KIF21A: variants seen among roughly 807,000 people sequenced by gnomAD.
KIF21A encodes the protein kinesin-like protein KIF21A.
A neutral mutation model predicts 202.9 loss-of-function variants in KIF21A; 114 were observed. The ratio of observed to expected loss-of-function variants is 0.56; its 90% CI spans 0.48 to 0.66. KIF21A has a LOEUF of 0.66. Ranked by LOEUF, KIF21A falls within the 30% of genes least tolerant of loss-of-function variation. The pLI, the probability that KIF21A is intolerant of heterozygous loss-of-function variation, is 0.00. For missense variants in KIF21A, 1,677 were observed against 1,994.9 expected (o/e 0.84, Z 3.04); for synonymous variants, 667 against 670.8 (o/e 0.99, Z 0.09).
At chr12:39,321,303 T>C (rs955246327) in intron 27 of KIF21A, 15 of 152,164 alleles carry the variant, frequency 9.9e-5, no homozygotes, top group African/African-American at 2.9e-4. Flanking sequence ...TTACAACCTG[T>C]CATAAAGGAT....
Position 39,339,859 on chromosome 12 carries a change from T to C in KIF21A, c.2310+306A>G, listed in dbSNP as rs1225793156. 2.6e-5 allele frequency among the ~76,000 whole-genome samples: 4 copies of C among 152,228 alleles called. No individual in the cohort carries two copies. In the East Asian group the frequency reaches 5.8e-4, roughly 22 times the overall value. On this transcript the variant is annotated intron_variant, in intron 16 of 37. Transcript: ENST00000361418. ...TGGATACAGTGTTTGTTATTATGTA[T>C]GCTTTCTTGCATATTTGAAATATTT...
intron 1 of KIF21A, among the ~76,000 whole-genome samples, chr12:39,435,043 G>T (rs773361880): frequency 5.3e-5 from 8 of 152,248 alleles, no homozygotes; most frequent in Non-Finnish European, 1.2e-4. Flanking sequence ...GTCTCAAAAG[G>T]TAACATCTTA....
intron 7 of KIF21A, among the ~76,000 whole-genome samples, chr12:39,361,519 TTTC>T (rs1315952131): frequency 1.4e-4 from 20 of 140,432 alleles, no homozygotes; most frequent in Admixed American, 1.4e-3. Flanking sequence ...CAGAACTTTC[TTTC>T]TTTTTTTTTT....
At chr12:39,390,775 A>G (rs1021410200) in intron 1 of KIF21A, among the ~76,000 whole-genome samples, 9 of 152,224 alleles carry the variant, frequency 5.9e-5, no homozygotes, top group African/African-American at 2.2e-4. Context: ...ATGTCATTCA[A>G]CAAGTGCCTA....
At chr12:39,377,428 T>C (rs1359953980) in intron 1 of KIF21A, among the ~76,000 whole-genome samples, 1 of 152,148 alleles carries the variant, frequency 6.6e-6, no homozygotes, top group Non-Finnish European at 1.5e-5. Flanking sequence ...CCTTTTTAAA[T>C]CCTCCTCTAG....
At chr12:39,377,571 T>C (rs1950344716) in intron 1 of KIF21A, among the ~76,000 whole-genome samples, 2 of 152,092 alleles carry the variant, frequency 1.3e-5, no homozygotes, top group South Asian at 4.1e-4. Flanking sequence ...CTGAATTGTC[T>C]CCTAAGAGAT....
chr12:39,423,858 C>G (rs1294523736), intron 1 of KIF21A, among the ~76,000 whole-genome samples: 4 of 151,696 alleles, frequency 2.6e-5, no homozygotes, highest in Non-Finnish European at 4.4e-5. Flanking sequence ...GTGGCGCATG[C>G]CTGTAGTCCT....
Position 39,308,777 on chromosome 12 carries a change from T to C in KIF21A, c.4277+809A>G, listed in dbSNP as rs116868220. Among the ~76,000 whole-genome samples, 245 of 152,266 alleles carry C rather than the reference T, an allele frequency of 1.6e-3. No individual in the cohort carries two copies. In the Middle Eastern group the frequency reaches 0.017, roughly 11 times the overall value. On this transcript the variant is annotated intron_variant, in intron 33 of 37. Coordinates refer to ENST00000361418, the MANE Select transcript of KIF21A (RefSeq NM_001173464.2). ...ATTCTAACATAAGATATATTATATC[T>C]TAATACACGATATAATAGTATTATT... is the stretch of plus-strand genomic sequence containing the variant.
In KIF21A at chr12:39,298,503, G is replaced by T. The variant is rs1942638285; in HGVS notation, c.4931+2977C>A. Among the ~76,000 whole-genome samples, 4 of 152,182 alleles carry T rather than the reference G, an allele frequency of 2.6e-5. No individual in the cohort carries two copies. The South Asian group carries it at 8.3e-4, about 32-fold the overall frequency. On this transcript the variant is annotated intron_variant, in intron 37 of 37. Coordinates refer to ENST00000361418, the MANE Select transcript of KIF21A (RefSeq NM_001173464.2). ...GTAGAGAGATACCACTGAACACCTG[G>T]GACATTCAGTAGAACTGCAGGAAGA...
intron 36 of KIF21A, among the ~76,000 whole-genome samples, chr12:39,302,285 T>C (rs1411022326): frequency 1.3e-5 from 2 of 152,192 alleles, no homozygotes; most frequent in Non-Finnish European, 2.9e-5. Context: ...ACACTGTATA[T>C]GCATCTATTG....
At chr12:39,435,788 CAT>C (rs1938607065) in intron 1 of KIF21A, among the ~76,000 whole-genome samples, 1 of 152,018 alleles carries the variant, frequency 6.6e-6, no homozygotes, top group African/African-American at 2.4e-5. Flanking sequence ...AGGGAAGCCA[CAT>C]GTCTCAGGCC....
chr12:39,336,642 A>T (rs1946997662), intron 17 of KIF21A, among the ~76,000 whole-genome samples: 1 of 152,180 alleles, frequency 6.6e-6, no homozygotes, highest in Non-Finnish European at 1.5e-5. Context: ...ATGGAAGTAG[A>T]ATCTTGAGTC....
intron 37 of KIF21A, among the ~76,000 whole-genome samples, chr12:39,297,250 G>A (rs543184726): frequency 2.0e-5 from 3 of 152,258 alleles, no homozygotes; most frequent in African/African-American, 7.2e-5. Context: ...TATACCCAAA[G>A]GACTATAAAT....
intron 28 of KIF21A, 125 bp from the exon 29 acceptor site, chr12:39,318,326 C>A: frequency 1.1e-6 from 1 of 902,906 alleles, no homozygotes; most frequent in Non-Finnish European, 1.7e-6. Flanking sequence ...TCCTTTCTTC[C>A]TTTTTTGTAA....
chr12:39,318,196 T>C lies in KIF21A; in HGVS notation c.3785A>G (p.Asp1262Gly), dbSNP rs1367190751. Residue 1262 changes from aspartate (D) to glycine (G), a missense_variant, in exon 29 of 38, where the codon GAT becomes GGT. Transcript: ENST00000361418. The stretch of plus-strand genomic sequence containing the variant: ...AAGACTAGCCTCTGAAGTTCCAGAA[T>C]CTGAGCTACAAGAAAAAAAGAACAT... ...KSKAKEQKHSDSGTSEASLSP... is the reference protein window; with the variant it reads ...KSKAKEQKHSGSGTSEASLSP... 27 of 1,613,190 alleles carry C rather than the reference T, an allele frequency of 1.7e-5. No homozygotes were observed. Among genetic ancestry groups the C allele is most frequent in the Non-Finnish European group, 2.0e-5 (24 of 1,179,322 alleles).
Position 39,369,832 on chromosome 12 carries a change from C to A in KIF21A, c.347G>T (p.Arg116Leu). 2 of 1,612,512 alleles carry A rather than the reference C, an allele frequency of 1.2e-6. No homozygotes were observed. Among genetic ancestry groups the A allele is most frequent in the Non-Finnish European group, 1.7e-6 (2 of 1,178,914 alleles). ...ACTCTTAAAAAGGTGTTTAACAGCT[C>A]GAGAAATAATACCCAGTTCTTCCTC... ...IVEEELGIIS[R>L]AVKHLFKSIE... The change falls in exon 3 of 38, where the codon CGA becomes CTA. Residue 116 changes from arginine (R) to leucine (L), a missense_variant. Coordinates refer to ENST00000361418, the MANE Select transcript of KIF21A (RefSeq NM_001173464.2).
intron 24 of KIF21A, 161 bp from the exon 25 acceptor site, chr12:39,326,485 T>TA: frequency 1.5e-6 from 1 of 669,148 alleles, no homozygotes; most frequent in Non-Finnish European, 2.7e-6. Context: ...AAAGTATTTC[T>TA]AAAAACTCTC....
chr12:39,371,072 T>C (rs1269285004), intron 1 of KIF21A, among the ~76,000 whole-genome samples: 5 of 152,142 alleles, frequency 3.3e-5, no homozygotes, highest in Non-Finnish European at 7.4e-5. Flanking sequence ...TAATGCTATG[T>C]AAATAGTTAT....
At chr12:39,341,833 C>G (rs1181050260) in intron 13 of KIF21A, among the ~76,000 whole-genome samples, 2 of 152,164 alleles carry the variant, frequency 1.3e-5, no homozygotes, top group African/African-American at 4.8e-5. Context: ...CTCCCCAACA[C>G]AATGCTTTCA....
Sources: allele counts gnomAD v4.1 joint callset (sites outside exome capture counted in the v4.1 genomes callset), GRCh38; gene constraint gnomAD v4.1.1; transcripts MANE v1.5; gene names NCBI Gene and HGNC (gene_info 2026-07-23, HGNC 2026-07-21).